UBE2E3: variants seen among roughly 807,000 people sequenced by gnomAD.
UBE2E3 encodes ubiquitin-conjugating enzyme E2 E3.
Under a neutral mutation model 23.6 loss-of-function variants are expected in UBE2E3, and 5 were observed. The observed-to-expected ratio is 0.21, with a 90% CI of 0.11 to 0.44. The LOEUF (loss-of-function observed/expected upper bound fraction) is 0.44. Among genes scored for constraint, UBE2E3 ranks in the 20% least tolerant of loss-of-function variants. UBE2E3 has a pLI of 0.99. For synonymous variants in UBE2E3, 78 were observed against 87.5 expected, an observed-to-expected ratio of 0.89 and a Z score of 0.60; for missense variants, 81 against 249.8, an observed-to-expected ratio of 0.32 and a Z score of 4.55.
chr2:180,990,985 T>A (rs965997639), intron 3 of UBE2E3, among the ~76,000 whole-genome samples: 1 of 152,190 alleles, frequency 6.6e-6, no homozygotes. Context: ...GTACTTTATG[T>A]AATCTGTTCC....
intron 3 of UBE2E3, among the ~76,000 whole-genome samples, chr2:180,997,441 T>C (rs184100508): frequency 5.3e-5 from 8 of 152,236 alleles, no homozygotes; most frequent in African/African-American, 1.7e-4. Flanking sequence ...TCTTTCCTGA[T>C]GTACTTGAAA....
At chr2:181,014,859 ATCTTC>A (rs772878016) in intron 3 of UBE2E3, among the ~76,000 whole-genome samples, 21 of 152,168 alleles carry the variant, frequency 1.4e-4, no homozygotes, top group Admixed American at 3.3e-4. Flanking sequence ...AGCATTACAG[ATCTTC>A]TCTTCGAGCT....
intron 3 of UBE2E3, among the ~76,000 whole-genome samples, chr2:181,015,375 A>T (rs1005691094): frequency 3.9e-5 from 6 of 152,148 alleles, no homozygotes; most frequent in Admixed American, 1.3e-4. Flanking sequence ...ATTTTAATAC[A>T]TCTAGAACAT....
intron 3 of UBE2E3, among the ~76,000 whole-genome samples, chr2:181,021,123 A>T: frequency 6.6e-6 from 1 of 152,322 alleles, no homozygotes; most frequent in East Asian, 1.9e-4. Flanking sequence ...AGCTACAGCA[A>T]TATACCAGTC....
intron 3 of UBE2E3, among the ~76,000 whole-genome samples, chr2:180,997,192 T>G (rs150136318): frequency 3.6e-4 from 55 of 152,148 alleles, no homozygotes; most frequent in Middle Eastern, 3.4e-3. Flanking sequence ...GCTCATTTAA[T>G]TCTTTCATCT....
At chr2:180,984,894 G>A (rs548973536) in intron 3 of UBE2E3, among the ~76,000 whole-genome samples, 9 of 151,806 alleles carry the variant, frequency 5.9e-5, no homozygotes, top group African/African-American at 1.9e-4. Flanking sequence ...AATTGAACAC[G>A]CATAGAAAAC....
intron 3 of UBE2E3, among the ~76,000 whole-genome samples, chr2:181,042,247 C>G (rs955460870): frequency 6.6e-6 from 1 of 152,200 alleles, no homozygotes; most frequent in African/African-American, 2.4e-5. Flanking sequence ...GAGCATTGCT[C>G]AGTCTTTCCT....
intron 3 of UBE2E3, among the ~76,000 whole-genome samples, chr2:181,009,478 A>G (rs957625711): frequency 6.6e-6 from 1 of 151,770 alleles, no homozygotes; most frequent in Admixed American, 6.6e-5. Context: ...ACATACTACT[A>G]CTCCTACCAT....
At chr2:180,993,666 T>A (rs375047306) in intron 3 of UBE2E3, among the ~76,000 whole-genome samples, 13 of 152,322 alleles carry the variant, frequency 8.5e-5, no homozygotes, top group South Asian at 6.2e-4. Flanking sequence ...TTGTAGTTAG[T>A]TTTGCCATTT....
chr2:181,034,831 C>CTGA (rs1167951926), intron 3 of UBE2E3, among the ~76,000 whole-genome samples: 1 of 151,820 alleles, frequency 6.6e-6, no homozygotes, highest in African/African-American at 2.4e-5. Context: ...TGGCTTTCAA[C>CTGA]AGGTGAAATG....
At chr2:181,003,990 T>C (rs62180126) in intron 3 of UBE2E3, among the ~76,000 whole-genome samples, 35,360 of 152,162 alleles carry the variant, frequency 0.23, 4,482 homozygotes, top group Non-Finnish European at 0.28. Flanking sequence ...AAGATTCAGT[T>C]TTAGGTCTGT....
Position 180,984,038 on chromosome 2 carries a change from A to G in UBE2E3, c.195-5A>G. ...CCTTTTTGTCTCTTCTCATTTCACTAACAGAATTCAGAAGGAGCTAGCTGA... is the reference window on the plus strand; with the variant it reads ...CCTTTTTGTCTCTTCTCATTTCACTGACAGAATTCAGAAGGAGCTAGCTGA... On this transcript the variant is annotated splice_region_variant and splice_polypyrimidine_tract_variant and intron_variant, in intron 2 of 5. Transcript: ENST00000410062. 2 of 1,610,274 alleles carry G rather than the reference A, an allele frequency of 1.2e-6. No homozygotes were observed. The highest frequency in any genetic ancestry group is 1.1e-5 in the South Asian group (1 of 90,454).
At chr2:181,003,784 A>G (rs1410881653) in intron 3 of UBE2E3, among the ~76,000 whole-genome samples, 1 of 152,222 alleles carries the variant, frequency 6.6e-6, no homozygotes, top group African/African-American at 2.4e-5. Flanking sequence ...AATTGCAGCT[A>G]TACATGCCCA....
At chr2:181,054,412 T>G (rs1294850385) in intron 3 of UBE2E3, among the ~76,000 whole-genome samples, 2 of 151,818 alleles carry the variant, frequency 1.3e-5, no homozygotes, top group Non-Finnish European at 2.9e-5. Flanking sequence ...GTTGTTGGTG[T>G]TTTGGATTTG....
At chr2:180,992,507 T>C (rs1006461842) in intron 3 of UBE2E3, among the ~76,000 whole-genome samples, 1 of 151,962 alleles carries the variant, frequency 6.6e-6, no homozygotes, top group African/African-American at 2.4e-5. Flanking sequence ...AAGACCACTG[T>C]GGGTCCAGGG....
chr2:181,058,549 CATT>C (rs1294375667), intron 4 of UBE2E3, among the ~76,000 whole-genome samples: 1 of 151,774 alleles, frequency 6.6e-6, no homozygotes, highest in Non-Finnish European at 1.5e-5. Context: ...TAAGCATGAG[CATT>C]ATTATGCTGT....
At chr2:181,052,515 A>G (rs1036780056) in intron 3 of UBE2E3, among the ~76,000 whole-genome samples, 2 of 151,890 alleles carry the variant, frequency 1.3e-5, no homozygotes, top group Non-Finnish European at 2.9e-5. Flanking sequence ...TGTTTAAGGT[A>G]TATGCTCATT....
intron 3 of UBE2E3, among the ~76,000 whole-genome samples, chr2:181,001,509 A>G (rs1302069080): frequency 6.6e-6 from 1 of 152,186 alleles, no homozygotes; most frequent in Non-Finnish European, 1.5e-5. Flanking sequence ...AATTTGGAGA[A>G]GGGATGGATT....
intron 3 of UBE2E3, among the ~76,000 whole-genome samples, chr2:181,054,164 G>T (rs2105476520): frequency 6.6e-6 from 1 of 151,946 alleles, no homozygotes; most frequent in Non-Finnish European, 1.5e-5. Flanking sequence ...ACATCTGCAT[G>T]CAGAATTTTG....
Sources: allele counts gnomAD v4.1 joint callset (sites outside exome capture counted in the v4.1 genomes callset), GRCh38; gene constraint gnomAD v4.1.1; transcripts MANE v1.5; gene names NCBI Gene and HGNC (gene_info 2026-07-23, HGNC 2026-07-21).